Variants in ROBO1 observed in about 807,000 individuals in gnomAD.
ROBO1 encodes roundabout homolog 1.
Under a neutral mutation model 195.9 loss-of-function variants are expected in ROBO1, and 149 were observed. The observed-to-expected ratio is 0.76, with a 90% confidence interval of 0.67 to 0.87. The LOEUF (loss-of-function observed/expected upper bound fraction) is 0.87. ROBO1 is among the 40% of genes least tolerant of loss of function. The probability of loss-of-function intolerance (pLI) is 0.00; values close to 1 mark genes in which losing one functional copy is unlikely to be tolerated. For synonymous variants in ROBO1, 816 were observed against 733.2 expected (o/e 1.11, Z -1.82); for missense variants, 1,933 against 2,068.3 (o/e 0.93, Z 1.27).
chr3:78,620,883 A>ATGTGTG (rs199578004), intron 26 of ROBO1, among the ~76,000 whole-genome samples: 7,965 of 144,508 alleles, frequency 0.055, 580 homozygotes, highest in African/African-American at 0.17. Flanking sequence ...ATATATATAT[A>ATGTGTG]TGTGTGTGTG....
At chr3:79,146,815 G>A (rs1490356275) in intron 2 of ROBO1, among the ~76,000 whole-genome samples, 1 of 151,868 alleles carries the variant, frequency 6.6e-6, no homozygotes, top group African/African-American at 2.4e-5. Flanking sequence ...AGTTGAATCT[G>A]ATTATTTAAC....
At chr3:79,596,696 T>C (rs1241181328) in intron 1 of ROBO1, among the ~76,000 whole-genome samples, 2 of 152,012 alleles carry the variant, frequency 1.3e-5, no homozygotes, top group Non-Finnish European at 2.9e-5. Context: ...AAATATACAG[T>C]TAGCAAATAA....
chr3:78,935,788 A>C (rs2039773601), intron 4 of ROBO1, among the ~76,000 whole-genome samples: 1 of 152,072 alleles, frequency 6.6e-6, no homozygotes, highest in Admixed American at 6.6e-5. Context: ...ATAAAAAATA[A>C]ATTTTAAAAT....
chr3:78,738,722 A>G (rs1302494954), intron 5 of ROBO1, among the ~76,000 whole-genome samples: 1 of 152,180 alleles, frequency 6.6e-6, no homozygotes, highest in Non-Finnish European at 1.5e-5. Context: ...TTTCCTAGGT[A>G]AGGTAAAAAT....
At chr3:79,474,956 G>A (rs192834535) in intron 2 of ROBO1, among the ~76,000 whole-genome samples, 31 of 151,960 alleles carry the variant, frequency 2.0e-4, no homozygotes, top group South Asian at 1.2e-3. Flanking sequence ...AAAAGGTAAC[G>A]CTATCTAGGA....
At chr3:78,644,037 C>G (rs1172776967) in intron 21 of ROBO1, among the ~76,000 whole-genome samples, 2 of 151,938 alleles carry the variant, frequency 1.3e-5, no homozygotes, top group African/African-American at 4.8e-5. Flanking sequence ...TGAGGGAAAC[C>G]AGTGCTTAAG....
intron 3 of ROBO1, among the ~76,000 whole-genome samples, chr3:79,078,368 A>T (rs530647137): frequency 2.5e-3 from 375 of 151,942 alleles, no homozygotes; most frequent in African/African-American, 8.6e-3. Context: ...TGACTACCAC[A>T]TACTCTGTAC....
chr3:79,410,443 G>GA (rs914173255), intron 2 of ROBO1, among the ~76,000 whole-genome samples: 21 of 151,980 alleles, frequency 1.4e-4, no homozygotes, highest in Non-Finnish European at 2.8e-4. Flanking sequence ...TAAAACAAAT[G>GA]AAAAAAACAA....
chr3:78,733,571 G>T (rs969677187), intron 5 of ROBO1, among the ~76,000 whole-genome samples: 1 of 152,070 alleles, frequency 6.6e-6, no homozygotes, highest in African/African-American at 2.4e-5. Flanking sequence ...CCAAATTAAA[G>T]ATAAAATGTA....
At chr3:79,069,505 G>A (rs1051026178) in intron 3 of ROBO1, among the ~76,000 whole-genome samples, 1 of 151,838 alleles carries the variant, frequency 6.6e-6, no homozygotes, top group Non-Finnish European at 1.5e-5. Context: ...TTTGCTATTT[G>A]CTACTATTTA....
chr3:79,139,489 A>G (rs1055143071), intron 2 of ROBO1, among the ~76,000 whole-genome samples: 1 of 152,142 alleles, frequency 6.6e-6, no homozygotes, highest in Non-Finnish European at 1.5e-5. Context: ...CTTGATGTCT[A>G]AACGTTTGGT....
At chr3:78,784,391 C>T (rs2083768717) in intron 4 of ROBO1, among the ~76,000 whole-genome samples, 1 of 152,060 alleles carries the variant, frequency 6.6e-6, no homozygotes, top group East Asian at 1.9e-4. Flanking sequence ...GAAATTAATA[C>T]AGACAAATGT....
chr3:79,177,781 G>C (rs2081281563), intron 2 of ROBO1, among the ~76,000 whole-genome samples: 1 of 152,042 alleles, frequency 6.6e-6, no homozygotes, highest in Non-Finnish European at 1.5e-5. Context: ...GCTGCCTAGG[G>C]TCCTCCCTGA....
Position 78,963,494 on chromosome 3 carries a change from G to GTTTTTTTTT in ROBO1, c.173-24576_173-24568dup, listed in dbSNP as rs750158094. Among the ~76,000 whole-genome samples, 55 of 72,316 alleles carry GTTTTTTTTT rather than the reference G, an allele frequency of 7.6e-4. 3 individuals carry two copies. Among genetic ancestry groups the GTTTTTTTTT allele is most frequent in the Admixed American group, 1.2e-3 (5 of 4,216 alleles). 47.4% of individuals were successfully genotyped at this position (72,316 alleles called of 152,430 possible). On this transcript the variant is annotated intron_variant, in intron 3 of 30. Transcript: ENST00000464233. ...GAGAAGATCCAGAGGAAAACCTTCA[G>GTTTTTTTTT]TTTTTTTTTTTTTTTTTTTTTTTTT...
chr3:79,340,636 G>A (rs1336977958), intron 2 of ROBO1, among the ~76,000 whole-genome samples: 1 of 152,126 alleles, frequency 6.6e-6, no homozygotes. Flanking sequence ...TGTCACTAGG[G>A]AATGTACCTT....
chr3:78,782,397 A>G (rs1387183292), intron 4 of ROBO1, among the ~76,000 whole-genome samples: 1 of 151,992 alleles, frequency 6.6e-6, no homozygotes, highest in East Asian at 1.9e-4. Flanking sequence ...GAGTTTCACT[A>G]TGTTGGCCAG....
At chr3:79,527,166 AAT>A (rs778682586) in intron 2 of ROBO1, among the ~76,000 whole-genome samples, 7 of 152,162 alleles carry the variant, frequency 4.6e-5, no homozygotes, top group Non-Finnish European at 1.0e-4. Flanking sequence ...AGATTTTTCC[AAT>A]AGAGGTAAAA....
chr3:78,736,171 A>T (rs950049772), intron 5 of ROBO1, among the ~76,000 whole-genome samples: 1 of 152,202 alleles, frequency 6.6e-6, no homozygotes, highest in Non-Finnish European at 1.5e-5. Flanking sequence ...GTATGTGGAA[A>T]TAAAATTAAC....
chr3:78,994,222 A>T (rs1339227033), intron 3 of ROBO1, among the ~76,000 whole-genome samples: 9 of 152,164 alleles, frequency 5.9e-5, no homozygotes, highest in Admixed American at 5.9e-4. Flanking sequence ...CTCAAACTCC[A>T]TTCCTCGACT....
Sources: gnomAD v4.1 joint callset for allele counts (sites outside exome capture counted in the v4.1 genomes callset) on GRCh38, gnomAD v4.1.1 for gene constraint, MANE v1.5 for transcripts, NCBI Gene and HGNC (gene_info 2026-07-23, HGNC 2026-07-21) for gene names.